RANBP2: variants seen among roughly 807,000 people sequenced by gnomAD.
The protein encoded by RANBP2 is RAN binding protein 2.
A neutral mutation model predicts 303.6 loss-of-function variants in RANBP2; 57 were observed. The ratio of observed to expected loss-of-function variants is 0.19; its 90% CI spans 0.15 to 0.23. The LOEUF is 0.23. Among genes scored for constraint, RANBP2 ranks in the 10% least tolerant of loss-of-function variants. The probability of loss-of-function intolerance (pLI) is 1.00; values close to 1 mark genes in which losing one functional copy is unlikely to be tolerated. For synonymous variants in RANBP2, 1,167 were observed against 1,301.5 expected, an observed-to-expected ratio of 0.90 and a Z score of 2.23; for missense variants, 3,138 against 3,780.8, an observed-to-expected ratio of 0.83 and a Z score of 4.46.
At chr2:109,057,589 G>A in the RANBP2 span, among the ~76,000 whole-genome samples, 1 of 152,220 alleles carries the variant, frequency 6.6e-6, no homozygotes, top group African/African-American at 2.4e-5. Flanking sequence ...TGGGGCTTGG[G>A]CCATTTGTGG....
chr2:109,305,377 C>T, the RANBP2 span, among the ~76,000 whole-genome samples: 1 of 152,064 alleles, frequency 6.6e-6, no homozygotes, highest in African/African-American at 2.4e-5. Flanking sequence ...GAGGCCCATA[C>T]AGGTGTCTCG....
the RANBP2 span, among the ~76,000 whole-genome samples, chr2:109,082,684 C>T: frequency 1.3e-5 from 2 of 152,168 alleles, no homozygotes; most frequent in South Asian, 4.1e-4. Context: ...GCACAGTGGC[C>T]TATGCCTATG....
At chr2:109,427,968 C>T in the RANBP2 span, among the ~76,000 whole-genome samples, 1 of 152,260 alleles carries the variant, frequency 6.6e-6, no homozygotes, top group Non-Finnish European at 1.5e-5. Flanking sequence ...GCCTGCAGCT[C>T]CTGGTCGCCT....
At chr2:108,894,200 A>AAGTG in the RANBP2 span, among the ~76,000 whole-genome samples, 1 of 152,258 alleles carries the variant, frequency 6.6e-6, no homozygotes, top group Admixed American at 6.5e-5. Flanking sequence ...AGAAATAGAT[A>AAGTG]AGTGATACAA....
chr2:109,478,372 C>T, the RANBP2 span, among the ~76,000 whole-genome samples: 5 of 152,320 alleles, frequency 3.3e-5, no homozygotes, highest in African/African-American at 9.6e-5. Flanking sequence ...TTCCCAGTTA[C>T]GTCTTTAAAT....
chr2:109,376,478 A>G, the RANBP2 span, among the ~76,000 whole-genome samples: 166 of 152,330 alleles, frequency 1.1e-3, no homozygotes, highest in Non-Finnish European at 1.9e-3. Context: ...CAAATACGCC[A>G]GTGATTCTCG....
At position 108,753,063 on chromosome 2, in the gene RANBP2, G is replaced by A; in HGVS notation, c.1821G>A (p.Lys607=). 1 of 1,609,708 alleles carries A rather than the reference G, an allele frequency of 6.2e-7. No individual in the cohort carries two copies. The highest frequency in any genetic ancestry group is 2.2e-5 in the East Asian group (1 of 44,770). The change falls in exon 13 of 29, where the codon AAG becomes AAA. Residue 607 remains lysine (K), a synonymous_variant. Transcript: ENST00000283195. ...EYIGRSVHYW[K]KVLPLLKIIK... The stretch of plus-strand genomic sequence containing the variant: ...TAGGGAGAAGTGTTCATTATTGGAA[G>A]AAAGTTTTGCCATTGTTGAAGATAA...
At chr2:109,522,376 C>T in the RANBP2 span, among the ~76,000 whole-genome samples, 8,298 of 151,826 alleles carry the variant, frequency 0.055, 684 homozygotes, top group East Asian at 0.24. Flanking sequence ...ACTGCAACCT[C>T]TGCCTCCTGG....
chr2:109,060,181 G>A, the RANBP2 span, among the ~76,000 whole-genome samples: 1 of 152,020 alleles, frequency 6.6e-6, no homozygotes, highest in African/African-American at 2.4e-5. Flanking sequence ...CAGCCTGGGC[G>A]ACAGAGCAAG....
At chr2:108,922,974 G>A in the RANBP2 span, among the ~76,000 whole-genome samples, 27,233 of 152,166 alleles carry the variant, frequency 0.18, 5,218 homozygotes, top group African/African-American at 0.48. Context: ...TGGCCTCACT[G>A]TCACCTAGCA....
At chr2:108,942,292 G>A in the RANBP2 span, among the ~76,000 whole-genome samples, 2 of 152,338 alleles carry the variant, frequency 1.3e-5, no homozygotes, top group African/African-American at 2.4e-5. Flanking sequence ...TGGGAGAGCC[G>A]AGGCACAATG....
the RANBP2 span, among the ~76,000 whole-genome samples, chr2:109,001,281 C>G: frequency 6.6e-6 from 1 of 152,222 alleles, no homozygotes; most frequent in Non-Finnish European, 1.5e-5. Flanking sequence ...GGACCCTCAG[C>G]TGAGAAAGCT....
the RANBP2 span, among the ~76,000 whole-genome samples, chr2:109,339,841 C>T: frequency 2.6e-5 from 4 of 152,194 alleles, no homozygotes; most frequent in Admixed American, 1.3e-4. Context: ...CCTGGCCCAA[C>T]GGATGACTGA....
chr2:109,223,279 G>C, the RANBP2 span, among the ~76,000 whole-genome samples: 2 of 152,216 alleles, frequency 1.3e-5, no homozygotes, highest in South Asian at 4.1e-4. Context: ...AGCCCTCAGA[G>C]GCTGCGTGAG....
the RANBP2 span, among the ~76,000 whole-genome samples, chr2:109,564,711 T>C: frequency 6.6e-6 from 1 of 152,250 alleles, no homozygotes; most frequent in Non-Finnish European, 1.5e-5. Flanking sequence ...ACTCTTGCAG[T>C]ATAAATACTG....
At chr2:109,548,139 G>GA in the RANBP2 span, among the ~76,000 whole-genome samples, 133,673 of 151,878 alleles carry the variant, frequency 0.88, 58,922 homozygotes, top group Middle Eastern at 0.97. Context: ...AAGGTCCAAG[G>GA]AGAATGTAGG....
chr2:108,735,789 A>G, intron 5 of RANBP2, 27 bp downstream of exon 5: 1 of 1,597,590 alleles, frequency 6.3e-7, no homozygotes, highest in Admixed American at 1.7e-5. Context: ...GGGTCTTTAC[A>G]TTTCTATGTA....
At chr2:108,965,101 G>C in the RANBP2 span, among the ~76,000 whole-genome samples, 1 of 151,822 alleles carries the variant, frequency 6.6e-6, no homozygotes, top group Non-Finnish European at 1.5e-5. Flanking sequence ...GTGCACGCAA[G>C]CATGTGTGTG....
chr2:108,804,948 C>G, the RANBP2 span: 8 of 1,574,422 alleles, frequency 5.1e-6, no homozygotes, highest in South Asian at 8.4e-5. Flanking sequence ...ATAAAGAAAC[C>G]AAGAGACTGA....
Sources: allele counts gnomAD v4.1 joint callset (sites outside exome capture counted in the v4.1 genomes callset), GRCh38; gene constraint gnomAD v4.1.1; transcripts MANE v1.5; gene names NCBI Gene and HGNC (gene_info 2026-07-23, HGNC 2026-07-21).